Variants in PLEKHS1 observed in about 807,000 individuals in gnomAD.
PLEKHS1 encodes pleckstrin homology domain-containing family S member 1.
In PLEKHS1, 55 loss-of-function variants were observed where a neutral mutation model predicts 51.0. The ratio of observed to expected loss-of-function variants is 1.08; its 90% CI spans 0.87 to 1.35. The LOEUF (loss-of-function observed/expected upper bound fraction) is 1.35, where lower values mean the gene tolerates loss of function less well. Ranked by LOEUF, PLEKHS1 falls within the 40% of genes most tolerant of loss-of-function variation. The probability of loss-of-function intolerance (pLI) is 0.00; values close to 1 mark genes in which losing one functional copy is unlikely to be tolerated. For missense variants in PLEKHS1, 398 were observed against 423.0 expected (o/e 0.94, Z 0.52); for synonymous variants, 153 against 144.8 (o/e 1.06, Z -0.41).
chr10:113,766,836 TATA>T (rs1443500437), intron 4 of PLEKHS1, 118 bp downstream of exon 4: 3 of 749,786 alleles, frequency 4.0e-6, no homozygotes, highest in South Asian at 4.1e-5. Flanking sequence ...TCAAGCTGAT[TATA>T]ATATTTGTGA....
exon 10 of PLEKHS1, chr10:113,774,862 C>T: frequency 6.2e-7 from 1 of 1,614,102 alleles, no homozygotes; most frequent in Non-Finnish European, 8.5e-7. Flanking sequence ...CTGTGGATAG[C>T]AGCAAAGAGG....
chr10:113,774,999 C>A (rs1844584646), exon 10 of PLEKHS1: 5 of 1,614,114 alleles, frequency 3.1e-6, no homozygotes, highest in Non-Finnish European at 3.4e-6. Flanking sequence ...AAGGGGTCGG[C>A]CTCACTAACT....
rs7914580 is a variant in PLEKHS1, at chr10:113,760,713, C to A, written c.28+5408C>A. Among the ~76,000 whole-genome samples the A allele has an allele frequency of 3.2e-3, 484 of 152,106 alleles. 2 individuals are homozygous for A. Among genetic ancestry groups the A allele is most frequent in the African/African-American group, 0.011 (462 of 41,478 alleles). ...TTCTTTATATATTCTGGATAGTAGG[C>A]CCTGGTCAGATATATGATTTTTGAA... is the stretch of plus-strand genomic sequence containing the variant. On this transcript the variant is annotated intron_variant, in intron 2 of 11. Coordinates refer to ENST00000361048, the Ensembl canonical transcript of PLEKHS1.
chr10:113,759,221 T>G (rs1283989701), intron 2 of PLEKHS1, among the ~76,000 whole-genome samples: 1 of 152,104 alleles, frequency 6.6e-6, no homozygotes, highest in African/African-American at 2.4e-5. Context: ...CTGGCCAACA[T>G]GGTGAAGCCC....
exon 9 of PLEKHS1, chr10:113,774,297 G>C: frequency 6.3e-7 from 1 of 1,588,490 alleles, no homozygotes; most frequent in East Asian, 2.3e-5. Context: ...CAGGTCTCTG[G>C]AAGAATTGAG....
exon 7 of PLEKHS1, chr10:113,769,835 C>T: frequency 6.2e-7 from 1 of 1,614,092 alleles, no homozygotes; most frequent in Non-Finnish European, 8.5e-7. Flanking sequence ...CAGCCCTCTC[C>T]TTGGCCCTTC....
chr10:113,762,406 G>A (rs558467304), intron 2 of PLEKHS1, among the ~76,000 whole-genome samples: 22 of 94,800 alleles, frequency 2.3e-4, no homozygotes, highest in African/African-American at 8.1e-4. Context: ...TTCCTGAAAC[G>A]TTTCAGGTGG....
intron 2 of PLEKHS1, among the ~76,000 whole-genome samples, chr10:113,765,872 G>T (rs1355343462): frequency 6.6e-6 from 1 of 152,194 alleles, no homozygotes; most frequent in East Asian, 1.9e-4. Context: ...TTTATTAAGT[G>T]AAAACAGACT....
At chr10:113,768,127 A>C (rs529341339) in intron 5 of PLEKHS1, among the ~76,000 whole-genome samples, 4 of 151,644 alleles carry the variant, frequency 2.6e-5, no homozygotes, top group Non-Finnish European at 5.9e-5. Context: ...TTCCATGTAA[A>C]AGAACCCAAT....
chr10:113,782,871 A>G (rs931318284), downstream of PLEKHS1: 7 of 152,194 alleles, frequency 4.6e-5, no homozygotes, highest in South Asian at 2.1e-4. Flanking sequence ...TTATAAATTT[A>G]TCATGCAGAA....
chr10:113,780,603 A>T (rs1844833477), exon 12 of PLEKHS1: 1 of 1,612,522 alleles, frequency 6.2e-7, no homozygotes, highest in Non-Finnish European at 8.5e-7. Flanking sequence ...GTGTTTTAGA[A>T]ATTAAAGCTT....
chr10:113,754,533 A>G (rs1225103460), intron 1 of PLEKHS1, among the ~76,000 whole-genome samples: 1 of 151,804 alleles, frequency 6.6e-6, no homozygotes, highest in Admixed American at 6.6e-5. Context: ...AGTGCAGTGG[A>G]GTGATCTCGG....
In PLEKHS1 at chr10:113,769,902, TAATG is replaced by T; in HGVS notation, c.552+3_552+6del. 6.2e-7 allele frequency: 1 copy of T among 1,602,364 alleles called. No homozygotes were observed. Among genetic ancestry groups the T allele is most frequent in the Non-Finnish European group, 8.6e-7 (1 of 1,169,510 alleles). Reference sequence around the variant, plus strand: ...CCAAGAAATGGTCTCCAAGACAAGGTAATGGGGCTCACTTCTTTCTCAGGACACC... The same window carrying T: ...CCAAGAAATGGTCTCCAAGACAAGGTGGGCTCACTTCTTTCTCAGGACACC... On this transcript the variant is annotated splice_donor_5th_base_variant and intron_variant, in intron 7 of 11. Coordinates refer to ENST00000361048, the Ensembl canonical transcript of PLEKHS1.
At chr10:113,772,046 A>G in exon 8 of PLEKHS1, 1 of 1,613,824 alleles carries the variant, frequency 6.2e-7, no homozygotes, top group African/African-American at 1.3e-5. Flanking sequence ...CAAGATGTGA[A>G]GGAAGAGAAT....
At chr10:113,769,804 T>G in exon 7 of PLEKHS1, 1 of 1,613,430 alleles carries the variant, frequency 6.2e-7, no homozygotes, top group Non-Finnish European at 8.5e-7. Context: ...CATTGGGTAA[T>G]AAAAGAACCC....
At chr10:113,766,590 A>C in intron 3 of PLEKHS1, 22 bp from the exon 4 acceptor site, 1 of 1,593,836 alleles carries the variant, frequency 6.3e-7, no homozygotes, top group Non-Finnish European at 8.5e-7. Flanking sequence ...TAACTAAGAC[A>C]TAAAATCTTT....
intron 4 of PLEKHS1, among the ~76,000 whole-genome samples, 200 bp downstream of exon 4, chr10:113,766,918 G>A (rs1389708597): frequency 6.6e-6 from 1 of 152,176 alleles, no homozygotes; most frequent in Admixed American, 6.5e-5. Context: ...CATATTGTAT[G>A]TCATACTTGA....
At chr10:113,768,186 C>T (rs1299766014) in intron 5 of PLEKHS1, among the ~76,000 whole-genome samples, 1 of 152,126 alleles carries the variant, frequency 6.6e-6, no homozygotes, top group Non-Finnish European at 1.5e-5. Flanking sequence ...ACTAGGCTTG[C>T]CCCCAAAGTA....
chr10:113,772,751 GA>G (rs1398334902), intron 8 of PLEKHS1, among the ~76,000 whole-genome samples: 7 of 152,184 alleles, frequency 4.6e-5, no homozygotes, highest in African/African-American at 1.7e-4. Context: ...AGTGCCATTT[GA>G]TACATGTATG....
Sources: gnomAD v4.1 joint callset for allele counts (sites outside exome capture counted in the v4.1 genomes callset) on GRCh38, gnomAD v4.1.1 for gene constraint, MANE v1.5 for transcripts, NCBI Gene and HGNC (gene_info 2026-07-23, HGNC 2026-07-21) for gene names.